Variants in ABCC4 observed in about 807,000 individuals in gnomAD.
ABCC4 encodes ATP-binding cassette sub-family C member 4.
A neutral mutation model predicts 168.5 loss-of-function variants in ABCC4; 102 were observed. The observed-to-expected ratio is 0.61, with a 90% CI of 0.52 to 0.71. The LOEUF (loss-of-function observed/expected upper bound fraction) is 0.71, where lower values mean the gene tolerates loss of function less well. Among genes scored for constraint, ABCC4 ranks in the 30% least tolerant of loss-of-function variants. The probability of loss-of-function intolerance (pLI) is 0.00; values close to 1 mark genes in which losing one functional copy is unlikely to be tolerated. For missense variants in ABCC4, 1,402 were observed against 1,605.8 expected (o/e 0.87, Z 2.17); for synonymous variants, 617 against 590.7 (o/e 1.04, Z -0.65).
chr13:95,248,974 A>G (rs1180560570), intron 1 of ABCC4, among the ~76,000 whole-genome samples: 1 of 152,208 alleles, frequency 6.6e-6, no homozygotes, highest in Non-Finnish European at 1.5e-5. Flanking sequence ...TGGGAGGCAG[A>G]GGTTGCAGTG....
chr13:95,102,633 CCT>C (rs1491518977), intron 20 of ABCC4, among the ~76,000 whole-genome samples: 2 of 114,386 alleles, frequency 1.7e-5, no homozygotes, highest in Non-Finnish European at 4.0e-5. Context: ...TCTAGTCACA[CCT>C]TTTTTTTTTT....
intron 3 of ABCC4, among the ~76,000 whole-genome samples, chr13:95,235,744 G>A (rs2138762396): frequency 6.6e-6 from 1 of 152,138 alleles, no homozygotes; most frequent in East Asian, 1.9e-4. Context: ...AGGATTCCAG[G>A]CTCTTGGACC....
chr13:95,217,895 G>A (rs1361602443), intron 4 of ABCC4, among the ~76,000 whole-genome samples: 1 of 152,088 alleles, frequency 6.6e-6, no homozygotes, highest in African/African-American at 2.4e-5. Context: ...TTCGGATTCG[G>A]GTACTTCCTG....
chr13:95,226,201 T>C (rs764963383), intron 4 of ABCC4, among the ~76,000 whole-genome samples: 1 of 151,486 alleles, frequency 6.6e-6, no homozygotes, highest in Non-Finnish European at 1.5e-5. Context: ...GAATTCAAGA[T>C]GCATAACCCA....
intron 3 of ABCC4, among the ~76,000 whole-genome samples, chr13:95,245,449 G>A (rs1429524706): frequency 2.0e-5 from 3 of 152,170 alleles, no homozygotes; most frequent in Admixed American, 1.3e-4. Context: ...CATTGACACC[G>A]ACTTGTCATT....
intron 20 of ABCC4, among the ~76,000 whole-genome samples, chr13:95,103,960 G>A (rs769498632): frequency 3.7e-4 from 56 of 152,038 alleles, no homozygotes; most frequent in Non-Finnish European, 7.1e-4. Context: ...CCCCTACATG[G>A]CTCAGGAATA....
chr13:95,099,324 G>A (rs1481273280), intron 20 of ABCC4, among the ~76,000 whole-genome samples: 2 of 152,150 alleles, frequency 1.3e-5, no homozygotes. Flanking sequence ...ACAGAAATCT[G>A]GAAGAGGTGT....
intron 21 of ABCC4, among the ~76,000 whole-genome samples, chr13:95,078,660 G>A (rs550743491): frequency 1.4e-3 from 215 of 152,180 alleles, no homozygotes; most frequent in South Asian, 4.8e-3. Flanking sequence ...CTGGAAACAG[G>A]GTGATATTAG....
chr13:95,101,895 C>T (rs768271440), intron 20 of ABCC4, among the ~76,000 whole-genome samples: 16 of 152,102 alleles, frequency 1.1e-4, no homozygotes, highest in Non-Finnish European at 1.9e-4. Context: ...TAAAAATATA[C>T]GTAGTATTTA....
At chr13:95,198,392 T>A (rs2038523429) in intron 8 of ABCC4, among the ~76,000 whole-genome samples, 1 of 152,022 alleles carries the variant, frequency 6.6e-6, no homozygotes, top group African/African-American at 2.4e-5. Context: ...GAAATGCAAA[T>A]CAAAACCACA....
intron 20 of ABCC4, among the ~76,000 whole-genome samples, chr13:95,115,010 G>T (rs186387169): frequency 1.1e-3 from 162 of 152,200 alleles, no homozygotes; most frequent in African/African-American, 3.2e-3. Context: ...TAAAGTGTTA[G>T]CAACAGCAGC....
chr13:95,198,616 C>A (rs2038530254), intron 8 of ABCC4, among the ~76,000 whole-genome samples: 1 of 152,092 alleles, frequency 6.6e-6, no homozygotes, highest in South Asian at 2.1e-4. Flanking sequence ...GGGTATATAC[C>A]CAAAGGATTA....
At chr13:95,024,156 G>A (rs1231981651) in intron 30 of ABCC4, among the ~76,000 whole-genome samples, 1 of 146,038 alleles carries the variant, frequency 6.8e-6, no homozygotes, top group Non-Finnish European at 1.5e-5. Flanking sequence ...GCAGTGAGCC[G>A]AGACTGCAAC....
chr13:95,262,350 G>T (rs1401100526), intron 1 of ABCC4, among the ~76,000 whole-genome samples: 3 of 152,220 alleles, frequency 2.0e-5, no homozygotes, highest in African/African-American at 7.2e-5. Context: ...TGAGATTTTT[G>T]AACTGTGATT....
At chr13:95,294,709 T>C (rs894471441) in intron 1 of ABCC4, among the ~76,000 whole-genome samples, 6 of 152,126 alleles carry the variant, frequency 3.9e-5, no homozygotes, top group African/African-American at 1.4e-4. Context: ...TCCCAGCACT[T>C]TGGGAGGCCC....
intron 1 of ABCC4, among the ~76,000 whole-genome samples, chr13:95,257,371 G>A (rs1215364203): frequency 6.6e-6 from 1 of 152,132 alleles, no homozygotes; most frequent in Non-Finnish European, 1.5e-5. Context: ...GGAAGAGGCT[G>A]AAGAAAATCT....
intron 26 of ABCC4, among the ~76,000 whole-genome samples, chr13:95,060,142 A>T (rs1395479938): frequency 6.6e-6 from 1 of 152,216 alleles, no homozygotes; most frequent in Non-Finnish European, 1.5e-5. Flanking sequence ...AGCCTTGGAG[A>T]CAAAGCCATA....
At chr13:95,297,332 T>C (rs1406117325) in intron 1 of ABCC4, among the ~76,000 whole-genome samples, 1 of 151,252 alleles carries the variant, frequency 6.6e-6, no homozygotes, top group African/African-American at 2.4e-5. Flanking sequence ...AAATCCACAA[T>C]TGCCAACAGC....
At chr13:95,288,507 A>C (rs958754828) in intron 1 of ABCC4, among the ~76,000 whole-genome samples, 3 of 152,202 alleles carry the variant, frequency 2.0e-5, no homozygotes, top group Non-Finnish European at 2.9e-5. Flanking sequence ...AAAAGGCATG[A>C]TAAAAGGGTA....
Sources: gnomAD v4.1 joint callset for allele counts (sites outside exome capture counted in the v4.1 genomes callset) on GRCh38, gnomAD v4.1.1 for gene constraint, MANE v1.5 for transcripts, NCBI Gene and HGNC (gene_info 2026-07-23, HGNC 2026-07-21) for gene names.